The following TBCK variants were observed in gnomAD, a reference collection of about 807,000 sequenced individuals.
TBCK encodes TBC1 domain containing kinase, also known as TBC domain-containing protein kinase-like protein.
A neutral mutation model predicts 113.4 loss-of-function variants in TBCK; 99 were observed. The observed-to-expected ratio is 0.87, with a 90% CI of 0.74 to 1.03. The LOEUF (loss-of-function observed/expected upper bound fraction) is 1.03, where lower values mean the gene tolerates loss of function less well. TBCK is among the 50% of genes least tolerant of loss of function. TBCK has a pLI of 0.00. For synonymous variants in TBCK, 369 were observed against 370.8 expected, an observed-to-expected ratio of 1.00 and a Z score of 0.05; for missense variants, 1,045 against 1,061.3, an observed-to-expected ratio of 0.98 and a Z score of 0.21.
chr4:106,279,637 C>A (rs1489169995), intron 3 of TBCK, among the ~76,000 whole-genome samples: 2 of 152,098 alleles, frequency 1.3e-5, no homozygotes, highest in East Asian at 3.8e-4. Flanking sequence ...TGGTAACCAT[C>A]CTCTCTATCT....
chr4:106,117,859 A>C (rs1743729864), intron 23 of TBCK, among the ~76,000 whole-genome samples: 1 of 152,026 alleles, frequency 6.6e-6, no homozygotes, highest in African/African-American at 2.4e-5. Flanking sequence ...AATACAAAAA[A>C]TTAGCCGGGC....
intron 3 of TBCK, among the ~76,000 whole-genome samples, chr4:106,272,640 T>C (rs185901636): frequency 1.1e-4 from 17 of 151,752 alleles, no homozygotes; most frequent in Admixed American, 9.8e-4. Context: ...TACAGGCGCA[T>C]GCCACCACAC....
intron 23 of TBCK, among the ~76,000 whole-genome samples, chr4:106,122,804 A>C (rs1285856801): frequency 3.9e-5 from 6 of 152,050 alleles, no homozygotes; most frequent in African/African-American, 1.4e-4. Flanking sequence ...ATGCAGAAAA[A>C]GCCTTTGACA....
chr4:106,295,677 G>A (rs757671287), intron 2 of TBCK, among the ~76,000 whole-genome samples: 8 of 152,022 alleles, frequency 5.3e-5, no homozygotes, highest in Non-Finnish European at 7.4e-5. Context: ...CTTGAACAAC[G>A]CAGGGGGTTC....
chr4:106,136,561 T>TG (rs1746580939), intron 23 of TBCK, among the ~76,000 whole-genome samples: 1 of 141,600 alleles, frequency 7.1e-6, no homozygotes, highest in African/African-American at 2.5e-5. Flanking sequence ...TCTAAGGCAC[T>TG]GGTTCTACCT....
intron 22 of TBCK, among the ~76,000 whole-genome samples, chr4:106,180,613 T>C (rs972234301): frequency 6.6e-6 from 1 of 152,076 alleles, no homozygotes; most frequent in Non-Finnish European, 1.5e-5. Context: ...AACTCCCACT[T>C]ACGAGGGGGA....
In TBCK at chr4:106,235,258, T is replaced by G; in HGVS notation, c.1449+11A>C. ...AATTAATCAGCTTCTAACCTTTTCT[T>G]TTTTCCTTACCTCAACTCCCAGAAG... On this transcript the variant is annotated intron_variant, in intron 15 of 25. Coordinates refer to ENST00000394708, the MANE Select transcript of TBCK (RefSeq NM_001163435.3). The G allele has an allele frequency of 1.3e-6, 2 of 1,577,566 alleles. No homozygotes were observed. Among genetic ancestry groups the G allele is most frequent in the Non-Finnish European group, 8.6e-7 (1 of 1,160,876 alleles).
At chr4:106,185,562 A>AT (rs1481477829) in intron 22 of TBCK, among the ~76,000 whole-genome samples, 14 of 152,086 alleles carry the variant, frequency 9.2e-5, no homozygotes, top group African/African-American at 3.1e-4. Flanking sequence ...ATCATGCTGT[A>AT]TTTGTTCCTG....
At chr4:106,105,248 G>C (rs2149538813) in intron 24 of TBCK, among the ~76,000 whole-genome samples, 1 of 152,296 alleles carries the variant, frequency 6.6e-6, no homozygotes, top group Non-Finnish European at 1.5e-5. Flanking sequence ...GAAACTCCTG[G>C]CTTGGGCCCA....
At chr4:106,261,671 A>C (rs1762522733) in intron 4 of TBCK, among the ~76,000 whole-genome samples, 1 of 152,078 alleles carries the variant, frequency 6.6e-6, no homozygotes, top group Admixed American at 6.6e-5. Flanking sequence ...TTGGTAAATA[A>C]GGAGATAAAT....
chr4:106,161,749 CTT>C (rs1422049493), intron 23 of TBCK, among the ~76,000 whole-genome samples: 3 of 151,308 alleles, frequency 2.0e-5, no homozygotes, highest in Non-Finnish European at 4.4e-5. Context: ...TGTAAGAAGA[CTT>C]TCAAGACATA....
Position 106,151,127 on chromosome 4 carries a change from C to T in TBCK, c.2235+19968G>A, listed in dbSNP as rs1748434058. ...CATGAGATATTTTGATATAAGCATG[C>T]AATGCATAATAATAATTCCATCCAG... On this transcript the variant is annotated intron_variant, in intron 23 of 25. Coordinates refer to ENST00000394708, the MANE Select transcript of TBCK (RefSeq NM_001163435.3). Among the ~76,000 whole-genome samples, 3 of 151,896 alleles carry T rather than the reference C, an allele frequency of 2.0e-5. No individual in the cohort carries two copies. The South Asian group carries it at 6.2e-4, about 31-fold the overall frequency.
chr4:106,158,810 CCT>C (rs1749413961), intron 23 of TBCK, among the ~76,000 whole-genome samples: 1 of 151,944 alleles, frequency 6.6e-6, no homozygotes, highest in African/African-American at 2.4e-5. Context: ...CCAGCATTAC[CCT>C]GATTCCAAAG....
chr4:106,291,061 T>C (rs1049461493), intron 3 of TBCK, among the ~76,000 whole-genome samples: 2 of 152,162 alleles, frequency 1.3e-5, no homozygotes, highest in Non-Finnish European at 2.9e-5. Context: ...GAGAGGCAAG[T>C]GACAATTAAG....
At chr4:106,120,113 C>CCAGACAGTGGGCGCAGGTAAATGG (rs1744087701) in intron 23 of TBCK, among the ~76,000 whole-genome samples, 2 of 151,962 alleles carry the variant, frequency 1.3e-5, no homozygotes, top group Non-Finnish European at 2.9e-5. Context: ...GTGCGCGCAC[C>CCAGACAGTGGGCGCAGGTAAATGG]GTGCGCGAGC....
chr4:106,151,319 A>G (rs892463261), intron 23 of TBCK, among the ~76,000 whole-genome samples: 5 of 151,862 alleles, frequency 3.3e-5, no homozygotes, highest in Admixed American at 3.3e-4. Flanking sequence ...ATTTTTTTGT[A>G]CCAATTAACC....
chr4:106,122,003 A>G (rs1744454506), intron 23 of TBCK, among the ~76,000 whole-genome samples: 1 of 152,214 alleles, frequency 6.6e-6, no homozygotes. Flanking sequence ...AAGCTAGCAG[A>G]AGGCAAGAAA....
chr4:106,235,177 T>G, intron 15 of TBCK, 92 bp downstream of exon 15: 1 of 775,926 alleles, frequency 1.3e-6, no homozygotes, highest in East Asian at 3.0e-5. Context: ...AATTTTCTAA[T>G]AACTAGAAAA....
Position 106,121,733 on chromosome 4 carries a change from C to G in TBCK, c.2236-5355G>C, listed in dbSNP as rs1265557665. On this transcript the variant is annotated intron_variant, in intron 23 of 25. Transcript: ENST00000394708. ...GGATTAAGAATCTTACTCAAAACCACTCAACTACATGGAAACTGAACAACC... is the reference window on the plus strand; with the variant it reads ...GGATTAAGAATCTTACTCAAAACCAGTCAACTACATGGAAACTGAACAACC... 2.6e-5 allele frequency among the ~76,000 whole-genome samples: 4 copies of G among 152,304 alleles called. No individual in the cohort carries two copies. The East Asian group carries it at 7.7e-4, about 29-fold the overall frequency.
Sources: allele counts gnomAD v4.1 joint callset (sites outside exome capture counted in the v4.1 genomes callset), GRCh38; gene constraint gnomAD v4.1.1; transcripts MANE v1.5; gene names NCBI Gene and HGNC (gene_info 2026-07-23, HGNC 2026-07-21).